Variants in KIF16B observed in about 807,000 individuals in gnomAD.
KIF16B encodes kinesin-like protein KIF16B.
In KIF16B, 98 loss-of-function variants were observed where a neutral mutation model predicts 156.3. The ratio of observed to expected loss-of-function variants is 0.63; its 90% CI spans 0.53 to 0.74. KIF16B has a LOEUF of 0.74. KIF16B is among the 30% of genes least tolerant of loss of function. KIF16B has a pLI of 0.00. For synonymous variants in KIF16B, 564 were observed against 583.7 expected, an observed-to-expected ratio of 0.97 and a Z score of 0.49; for missense variants, 1,421 against 1,606.5, an observed-to-expected ratio of 0.88 and a Z score of 1.97.
intron 10 of KIF16B, among the ~76,000 whole-genome samples, chr20:16,500,626 A>G (rs2068594221): frequency 6.6e-6 from 1 of 152,064 alleles, no homozygotes; most frequent in South Asian, 2.1e-4. Context: ...TTTAATTGTT[A>G]GTTGCACCCT....
chr20:16,472,791 T>G (rs2067701357), intron 12 of KIF16B, among the ~76,000 whole-genome samples: 1 of 152,168 alleles, frequency 6.6e-6, no homozygotes, highest in Non-Finnish European at 1.5e-5. Flanking sequence ...CTTGTCAACC[T>G]ATTCTATGTG....
At chr20:16,483,240 C>A (rs2068028794) in intron 12 of KIF16B, among the ~76,000 whole-genome samples, 1 of 152,132 alleles carries the variant, frequency 6.6e-6, no homozygotes, top group South Asian at 2.1e-4. Flanking sequence ...TGAGCCAGAG[C>A]CCTGATCAAA....
At chr20:16,408,667 T>G (rs552683339) in intron 15 of KIF16B, among the ~76,000 whole-genome samples, 1 of 152,228 alleles carries the variant, frequency 6.6e-6, no homozygotes, top group South Asian at 2.1e-4. Context: ...ATTAAATCAT[T>G]GAAAATAATC....
chr20:16,537,703 C>CTTT (rs1568659703), intron 1 of KIF16B, among the ~76,000 whole-genome samples: 78 of 121,704 alleles, frequency 6.4e-4, no homozygotes, highest in East Asian at 1.9e-3. Flanking sequence ...TTCTTTTTTT[C>CTTT]GTTTTTTTTT....
intron 15 of KIF16B, among the ~76,000 whole-genome samples, chr20:16,422,894 AG>A (rs1332667803): frequency 2.0e-5 from 3 of 152,172 alleles, no homozygotes; most frequent in African/African-American, 7.2e-5. Flanking sequence ...TAATATTTAA[AG>A]AAAAAATTTC....
At chr20:16,324,779 T>A (rs946674349) in intron 24 of KIF16B, among the ~76,000 whole-genome samples, 1 of 151,926 alleles carries the variant, frequency 6.6e-6, no homozygotes, top group African/African-American at 2.4e-5. Context: ...AAAGAGGGAA[T>A]CCACCCTAAA....
intron 12 of KIF16B, among the ~76,000 whole-genome samples, chr20:16,431,176 CATT>C (rs2066489324): frequency 6.6e-6 from 1 of 152,118 alleles, no homozygotes; most frequent in South Asian, 2.1e-4. Flanking sequence ...CCCAAACCAT[CATT>C]GTCTTTCACC....
intron 10 of KIF16B, among the ~76,000 whole-genome samples, chr20:16,499,111 C>T (rs543843223): frequency 5.9e-5 from 9 of 152,240 alleles, no homozygotes; most frequent in Admixed American, 5.2e-4. Context: ...AGTAACCATT[C>T]ATACGTGAGG....
At chr20:16,293,243 T>C (rs2063338040) in intron 25 of KIF16B, among the ~76,000 whole-genome samples, 1 of 152,178 alleles carries the variant, frequency 6.6e-6, no homozygotes, top group South Asian at 2.1e-4. Context: ...TAGAGTTCTA[T>C]AGGTTCAGAA....
intron 22 of KIF16B, among the ~76,000 whole-genome samples, chr20:16,357,233 T>C (rs985162519): frequency 6.6e-6 from 1 of 152,348 alleles, no homozygotes; most frequent in Non-Finnish European, 1.5e-5. Flanking sequence ...TAATTATAGT[T>C]AGCATTTATT....
intron 1 of KIF16B, among the ~76,000 whole-genome samples, chr20:16,566,275 C>G (rs1279074210): frequency 6.6e-6 from 1 of 152,226 alleles, no homozygotes; most frequent in African/African-American, 2.4e-5. Context: ...TGGTTGTCAG[C>G]ACTCAGACAG....
At chr20:16,439,289 C>T (rs116384241) in intron 12 of KIF16B, among the ~76,000 whole-genome samples, 1,876 of 152,322 alleles carry the variant, frequency 0.012, 32 homozygotes, top group African/African-American at 0.03. Context: ...TTTTGCTTCT[C>T]TTGCCACCCT....
chr20:16,483,408 G>A (rs962209428), intron 12 of KIF16B, among the ~76,000 whole-genome samples: 1 of 152,156 alleles, frequency 6.6e-6, no homozygotes, highest in Admixed American at 6.5e-5. Flanking sequence ...ACACCAGCTT[G>A]TATCTGTATA....
At chr20:16,502,362 A>C (rs2068650852) in intron 10 of KIF16B, among the ~76,000 whole-genome samples, 1 of 152,204 alleles carries the variant, frequency 6.6e-6, no homozygotes, top group African/African-American at 2.4e-5. Context: ...GTTTTTATTA[A>C]GCTTCATAAA....
intron 25 of KIF16B, among the ~76,000 whole-genome samples, chr20:16,310,515 GC>G (rs1199067605): frequency 6.6e-6 from 1 of 152,174 alleles, no homozygotes; most frequent in African/African-American, 2.4e-5. Context: ...TTTAACAAGA[GC>G]CCTGAGTAGC....
intron 10 of KIF16B, among the ~76,000 whole-genome samples, chr20:16,502,907 T>C (rs1026432775): frequency 1.3e-5 from 2 of 152,148 alleles, no homozygotes; most frequent in East Asian, 3.9e-4. Flanking sequence ...ATAAACAATG[T>C]TTTAAAAACA....
chr20:16,467,977 T>TA (rs2067543808), intron 12 of KIF16B, among the ~76,000 whole-genome samples: 1 of 152,034 alleles, frequency 6.6e-6, no homozygotes, highest in Admixed American at 6.5e-5. Context: ...AAGAACAAGA[T>TA]AACAAGTAGA....
At chr20:16,293,927 G>C (rs187613090) in intron 25 of KIF16B, among the ~76,000 whole-genome samples, 5,156 of 152,142 alleles carry the variant, frequency 0.034, 95 homozygotes, top group Middle Eastern at 0.051. Flanking sequence ...GGGCTGCGGG[G>C]GGTGCATGCT....
chr20:16,355,218 C>T (rs56293646), intron 23 of KIF16B, among the ~76,000 whole-genome samples: 3,380 of 152,230 alleles, frequency 0.022, 54 homozygotes, highest in Non-Finnish European at 0.032. Context: ...GCAGGGGAGA[C>T]GGCTGGCTCT....
Sources: gnomAD v4.1 joint callset for allele counts (sites outside exome capture counted in the v4.1 genomes callset) on GRCh38, gnomAD v4.1.1 for gene constraint, MANE v1.5 for transcripts, NCBI Gene and HGNC (gene_info 2026-07-23, HGNC 2026-07-21) for gene names.